MUSK: variants seen among roughly 807,000 people sequenced by gnomAD.
MUSK encodes the protein muscle, skeletal receptor tyrosine-protein kinase.
In MUSK, 55 loss-of-function variants were observed where a neutral mutation model predicts 88.7. The observed-to-expected ratio is 0.62, with a 90% confidence interval of 0.50 to 0.78. MUSK has a LOEUF of 0.78. Among genes scored for constraint, MUSK ranks in the 30% least tolerant of loss-of-function variants. The pLI, the probability that MUSK is intolerant of heterozygous loss-of-function variation, is 0.00. For synonymous variants in MUSK, 387 were observed against 391.9 expected (o/e 0.99, Z 0.15); for missense variants, 1,015 against 1,074.3 (o/e 0.94, Z 0.77).
At chr9:110,670,427 T>G (rs1286693025) in intron 1 of MUSK, among the ~76,000 whole-genome samples, 2 of 152,150 alleles carry the variant, frequency 1.3e-5, no homozygotes, top group Non-Finnish European at 2.9e-5. Context: ...TAAAATACAG[T>G]CTTATAAAGA....
chr9:110,762,580 A>G (rs1205835989), intron 8 of MUSK, among the ~76,000 whole-genome samples: 1 of 152,182 alleles, frequency 6.6e-6, no homozygotes, highest in Non-Finnish European at 1.5e-5. Flanking sequence ...AAAAAAATAA[A>G]AAAACCTAAG....
chr9:110,672,990 T>C (rs1283126123), intron 1 of MUSK, among the ~76,000 whole-genome samples: 1 of 152,172 alleles, frequency 6.6e-6, no homozygotes, highest in Admixed American at 6.5e-5. Flanking sequence ...AGAGAAGAAA[T>C]AGTGCCCTAG....
intron 9 of MUSK, among the ~76,000 whole-genome samples, chr9:110,774,432 A>G (rs1432343183): frequency 6.6e-6 from 1 of 152,228 alleles, no homozygotes; most frequent in Non-Finnish European, 1.5e-5. Flanking sequence ...ATGAAAACAA[A>G]GCAAACCAAA....
intron 3 of MUSK, among the ~76,000 whole-genome samples, chr9:110,688,627 C>A (rs577869483): frequency 4.6e-5 from 7 of 151,980 alleles, no homozygotes; most frequent in Admixed American, 4.6e-4. Context: ...ACACCAACAC[C>A]CCCGACAGGC....
At chr9:110,700,301 A>C (rs2076485245) in intron 5 of MUSK, among the ~76,000 whole-genome samples, 1 of 152,212 alleles carries the variant, frequency 6.6e-6, no homozygotes, top group South Asian at 2.1e-4. Context: ...AAACAGAGGA[A>C]TAGAGAGGAT....
intron 3 of MUSK, among the ~76,000 whole-genome samples, 199 bp from the exon 4 acceptor site, chr9:110,695,204 G>C (rs530478578): frequency 6.6e-6 from 1 of 152,242 alleles, no homozygotes; most frequent in East Asian, 1.9e-4. Context: ...TAATAAAGCA[G>C]AGACAACCAA....
intron 7 of MUSK, among the ~76,000 whole-genome samples, chr9:110,759,202 G>A (rs2077365605): frequency 6.6e-6 from 1 of 152,118 alleles, no homozygotes; most frequent in Admixed American, 6.5e-5. Context: ...TCTAGTCTTA[G>A]GCAAAGCTGG....
At chr9:110,725,325 T>A (rs2076870325) in intron 5 of MUSK, among the ~76,000 whole-genome samples, 1 of 151,966 alleles carries the variant, frequency 6.6e-6, no homozygotes, top group Non-Finnish European at 1.5e-5. Context: ...GTTAGGTGGA[T>A]AGAAGTGGGA....
chr9:110,784,674 A>G (rs1235217210), intron 11 of MUSK, 141 bp from the exon 12 acceptor site: 7 of 616,346 alleles, frequency 1.1e-5, no homozygotes, highest in Non-Finnish European at 1.9e-5. Context: ...GACCTTACTG[A>G]ACTTTATAAA....
intron 8 of MUSK, among the ~76,000 whole-genome samples, chr9:110,767,349 C>T (rs983281349): frequency 2.0e-5 from 3 of 152,106 alleles, no homozygotes; most frequent in African/African-American, 7.2e-5. Context: ...TATATGTTGT[C>T]AAAAATTAAG....
chr9:110,719,872 T>C (rs1281224386), intron 5 of MUSK, among the ~76,000 whole-genome samples: 7 of 151,886 alleles, frequency 4.6e-5, no homozygotes, highest in Admixed American at 1.3e-4. Flanking sequence ...TTTGAGAAAA[T>C]AGAAATTATA....
At chr9:110,741,770 C>T (rs1029444801) in intron 6 of MUSK, among the ~76,000 whole-genome samples, 1 of 152,108 alleles carries the variant, frequency 6.6e-6, no homozygotes, top group African/African-American at 2.4e-5. Context: ...AATGAACGTG[C>T]TTTTCCAGCT....
chr9:110,775,683 A>C (rs2077656564), intron 9 of MUSK, 105 bp from the exon 10 acceptor site: 4 of 1,091,250 alleles, frequency 3.7e-6, no homozygotes, highest in South Asian at 2.6e-5. Flanking sequence ...TTTCAAGAAC[A>C]ATTTACCATG....
rs890723471 is a variant in MUSK, at chr9:110,705,722, A to G, written c.628+8256A>G. Among the ~76,000 whole-genome samples the G allele has an allele frequency of 9.2e-5, 14 of 152,348 alleles. No homozygotes were observed. In the East Asian group the frequency reaches 1.5e-3, roughly 17 times the overall value. ...ACCGCTAGGTAAGAACTATTTAGGT[A>G]TACTGATTTGACATTGACAGGGAAG... is the stretch of plus-strand genomic sequence containing the variant. On this transcript the variant is annotated intron_variant, in intron 5 of 14. Coordinates refer to ENST00000374448, the MANE Select transcript of MUSK (RefSeq NM_005592.4).
intron 1 of MUSK, among the ~76,000 whole-genome samples, chr9:110,673,652 A>C (rs989697390): frequency 6.6e-6 from 1 of 152,174 alleles, no homozygotes; most frequent in Non-Finnish European, 1.5e-5. Flanking sequence ...TGATCTCAAC[A>C]GTTCATGTGA....
chr9:110,717,990 G>A (rs2076765838), intron 5 of MUSK, among the ~76,000 whole-genome samples: 1 of 152,134 alleles, frequency 6.6e-6, no homozygotes, highest in Non-Finnish European at 1.5e-5. Flanking sequence ...AACTCAGGAA[G>A]TACAGAGTGA....
At chr9:110,669,057 G>A in intron 1 of MUSK, 74 bp downstream of exon 1, 1 of 1,303,068 alleles carries the variant, frequency 7.7e-7, no homozygotes, top group Non-Finnish European at 1.1e-6. Flanking sequence ...ATATGACCAA[G>A]ACTGATTTAT....
At chr9:110,753,088 T>C (rs1213279826) in intron 7 of MUSK, among the ~76,000 whole-genome samples, 1 of 152,072 alleles carries the variant, frequency 6.6e-6, no homozygotes, top group African/African-American at 2.4e-5. Context: ...ATAGTGAGCA[T>C]AGTCCTAAAA....
At chr9:110,676,374 T>TGG (rs1269727269) in intron 1 of MUSK, among the ~76,000 whole-genome samples, 2 of 50,878 alleles carry the variant, frequency 3.9e-5, no homozygotes, top group Non-Finnish European at 9.0e-5. Context: ...TATATATGTG[T>TGG]GTGTATGTGT....
Sources: gnomAD v4.1 joint callset for allele counts (sites outside exome capture counted in the v4.1 genomes callset) on GRCh38, gnomAD v4.1.1 for gene constraint, MANE v1.5 for transcripts, NCBI Gene and HGNC (gene_info 2026-07-23, HGNC 2026-07-21) for gene names.